Variants in RAB21 observed in about 807,000 individuals in gnomAD.
RAB21 encodes the protein ras-related protein Rab-21.
A neutral mutation model predicts 33.1 loss-of-function variants in RAB21; 13 were observed. The observed-to-expected ratio is 0.39, with a 90% CI of 0.26 to 0.62. RAB21 has a LOEUF of 0.62. RAB21 is among the 20% of genes least tolerant of loss of function. RAB21 has a pLI of 0.48. For synonymous variants in RAB21, 91 were observed against 103.7 expected (o/e 0.88, Z 0.74); for missense variants, 234 against 279.1 (o/e 0.84, Z 1.15).
At position 71,785,669 on chromosome 12, in the gene RAB21, G is replaced by A; in HGVS notation, c.674G>A (p.Gly225Glu). The A allele has an allele frequency of 6.2e-7, 1 of 1,614,078 alleles. No individual in the cohort carries two copies. The highest frequency in any genetic ancestry group is 1.6e-4 in the Middle Eastern group (1 of 6,062). ...QTSGGGCCSS[G>E] ...AGTGGTGGAGGGTGCTGTTCTTCTG[G>A]ATAACTGTTCACGCCTAAGAAATTA... The change falls in exon 7 of 7, where the codon GGA becomes GAA. Residue 225 changes from glycine (G) to glutamate (E), a missense_variant. By Grantham distance (98) the Gly-to-Glu change is moderately conservative. Coordinates refer to ENST00000261263, the MANE Select transcript of RAB21 (RefSeq NM_014999.4).
chr12:71,787,271 G>A lies in RAB21; in HGVS notation c.*1598G>A, dbSNP rs764028887. On this transcript the variant is annotated 3_prime_UTR_variant, in exon 7 of 7. Coordinates refer to ENST00000261263, the MANE Select transcript of RAB21 (RefSeq NM_014999.4). ...CCCTCATTAGATTTTTTTTTCTTAA[G>A]CATAAGACTGAACTTAAATGTGTTA... 2.0e-5 allele frequency: 3 copies of A among 151,810 alleles called. No homozygotes were observed. The South Asian group carries it at 6.2e-4, about 32-fold the overall frequency. 9.4% of individuals were successfully genotyped at this position (151,810 alleles called of 1,614,324 possible). A position where few individuals can be genotyped will look rare whatever the true frequency, so the allele number is the denominator to read the frequency against.
intron 1 of RAB21, among the ~76,000 whole-genome samples, chr12:71,767,685 A>G (rs1882982747): frequency 6.6e-6 from 1 of 152,154 alleles, no homozygotes; most frequent in Non-Finnish European, 1.5e-5. Context: ...TAGACTGACA[A>G]GGGCTTAAGA....
chr12:71,779,076 A>G (rs1883160737), intron 4 of RAB21, among the ~76,000 whole-genome samples: 1 of 152,180 alleles, frequency 6.6e-6, no homozygotes, highest in African/African-American at 2.4e-5. Context: ...GGCCTTTTAC[A>G]TATATCTTAT....
chr12:71,773,856 C>T, intron 3 of RAB21, 103 bp from the exon 4 acceptor site: 1 of 756,148 alleles, frequency 1.3e-6, no homozygotes, highest in South Asian at 1.7e-5. Flanking sequence ...AATATAGACT[C>T]TTAAAATTCT....
chr12:71,769,532 C>T (rs1251650912), intron 1 of RAB21, among the ~76,000 whole-genome samples: 1 of 151,944 alleles, frequency 6.6e-6, no homozygotes, highest in African/African-American at 2.4e-5. Context: ...TTTTGTTCCA[C>T]ATAGATAAGG....
intron 6 of RAB21, among the ~76,000 whole-genome samples, chr12:71,783,558 G>A (rs1380794075): frequency 6.6e-6 from 1 of 151,940 alleles, no homozygotes; most frequent in African/African-American, 2.4e-5. Flanking sequence ...GATGTCCCCT[G>A]ATCAGCAGCA....
intron 1 of RAB21, among the ~76,000 whole-genome samples, chr12:71,762,544 A>G (rs1882890330): frequency 6.6e-6 from 1 of 151,650 alleles, no homozygotes; most frequent in Non-Finnish European, 1.5e-5. Context: ...TGACCTCGTG[A>G]TCCGCCCGCC....
At chr12:71,762,044 C>T (rs1317872484) in intron 1 of RAB21, among the ~76,000 whole-genome samples, 1 of 152,068 alleles carries the variant, frequency 6.6e-6, no homozygotes. Flanking sequence ...TCTTTTTCTG[C>T]TTAGTATTTA....
chr12:71,782,177 T>C, intron 5 of RAB21, 92 bp downstream of exon 5: 1 of 1,191,582 alleles, frequency 8.4e-7, no homozygotes, highest in Middle Eastern at 2.0e-4. Context: ...ATTACTCAAA[T>C]CTCTTAGCAT....
At chr12:71,770,516 C>A in intron 2 of RAB21, 76 bp from the exon 3 acceptor site, 1 of 1,012,768 alleles carries the variant, frequency 9.9e-7, no homozygotes, top group African/African-American at 1.6e-5. Context: ...TCCAATTAAT[C>A]AAAAAGTTCA....
rs1438189773 is a variant in RAB21 at position 71,787,338 on chromosome 12, T to C, written c.*1665T>C. On this transcript the variant is annotated 3_prime_UTR_variant, in exon 7 of 7. Transcript: ENST00000261263. ...GCACTGCTCGCAGAAGGAACACAGA[T>C]TGTAGAGATTAACATAAATTGTTCT... 6.6e-6 allele frequency: 1 copy of C among 152,126 alleles called. No individual in the cohort carries two copies. Among genetic ancestry groups the C allele is most frequent in the Non-Finnish European group, 1.5e-5 (1 of 68,016 alleles). 9.4% of individuals were successfully genotyped at this position (152,126 alleles called of 1,614,324 possible).
At chr12:71,759,983 A>G (rs1471718151) in intron 1 of RAB21, among the ~76,000 whole-genome samples, 2 of 152,248 alleles carry the variant, frequency 1.3e-5, no homozygotes, top group African/African-American at 2.4e-5. Flanking sequence ...TAAAGCTACT[A>G]GCACAGAGCC....
chr12:71,765,646 A>T lies in RAB21; in HGVS notation c.160-4154A>T, dbSNP rs184625471. ...TTTTTGTATAAGGTGAGAGATGAGG[A>T]TCCAATTTCATTCTTCTACATGTGG... On this transcript the variant is annotated intron_variant, in intron 1 of 6. Coordinates refer to ENST00000261263, the MANE Select transcript of RAB21 (RefSeq NM_014999.4). 5.2e-3 allele frequency among the ~76,000 whole-genome samples: 787 copies of T among 152,152 alleles called. 7 individuals are homozygous for T. The highest frequency in any genetic ancestry group is 8.1e-3 in the Non-Finnish European group (550 of 67,986).
chr12:71,785,526 C>A lies in RAB21; in HGVS notation c.536-5C>A, dbSNP rs1883271326. 1 of 1,613,644 alleles carries A rather than the reference C, an allele frequency of 6.2e-7. No individual in the cohort carries two copies. Among genetic ancestry groups the A allele is most frequent in the African/African-American group, 1.3e-5 (1 of 75,006 alleles). ...CTAATAATGTTTGCTTTCTCTCTGT[C>A]TTAGGGATGATAGAAACAGCACAAG... On this transcript the variant is annotated splice_polypyrimidine_tract_variant and splice_region_variant and intron_variant, in intron 6 of 6. Coordinates refer to ENST00000261263, the MANE Select transcript of RAB21 (RefSeq NM_014999.4).
chr12:71,790,451 A>AGTGGTATCT lies in RAB21; in HGVS notation c.*4780_*4788dup, dbSNP rs1883363898. 6.6e-6 allele frequency: 1 copy of AGTGGTATCT among 152,060 alleles called. No homozygotes were observed. The highest frequency in any genetic ancestry group is 6.5e-5 in the Admixed American group (1 of 15,272). 9.4% of individuals were successfully genotyped at this position (152,060 alleles called of 1,614,324 possible). A position where few individuals can be genotyped will look rare whatever the true frequency, so the allele number is the denominator to read the frequency against. On this transcript the variant is annotated 3_prime_UTR_variant, in exon 7 of 7. Coordinates refer to ENST00000261263, the MANE Select transcript of RAB21 (RefSeq NM_014999.4). The stretch of plus-strand genomic sequence containing the variant: ...AGTATAATGTTGAAAAGTAGAAAGA[A>AGTGGTATCT]GTGGTATCTGCTAAACTCTAGCTTT...
intron 4 of RAB21, among the ~76,000 whole-genome samples, chr12:71,775,232 CAT>C (rs2137651543): frequency 6.6e-6 from 1 of 152,290 alleles, no homozygotes; most frequent in African/African-American, 2.4e-5. Flanking sequence ...GACATTATCT[CAT>C]GTAATCCTCA....
chr12:71,763,036 G>T (rs755028219), intron 1 of RAB21, among the ~76,000 whole-genome samples: 2 of 150,890 alleles, frequency 1.3e-5, no homozygotes, highest in Non-Finnish European at 2.9e-5. Flanking sequence ...ACAAATAGTT[G>T]TACATTATTT....
At chr12:71,782,487 TA>T in intron 5 of RAB21, 82 bp from the exon 6 acceptor site, 1 of 914,314 alleles carries the variant, frequency 1.1e-6, no homozygotes, top group Non-Finnish European at 1.7e-6. Context: ...AATATGTCAC[TA>T]AAACTGTTAC....
rs1883373824 is a variant in RAB21, at chr12:71,790,973, A to G, written c.*5300A>G. ...GTTAGGTGGATTTCATTAGTATCCA[A>G]ATTTATTTATTTTTTTATTTCATTT... On this transcript the variant is annotated 3_prime_UTR_variant, in exon 7 of 7. Transcript: ENST00000261263. 1 of 151,636 alleles carries G rather than the reference A, an allele frequency of 6.6e-6. No individual in the cohort carries two copies. Among genetic ancestry groups the G allele is most frequent in the South Asian group, 2.1e-4 (1 of 4,810 alleles). 9.4% of individuals were successfully genotyped at this position (151,636 alleles called of 1,614,324 possible). A position where few individuals can be genotyped will look rare whatever the true frequency, so the allele number is the denominator to read the frequency against.
Sources: allele counts gnomAD v4.1 joint callset (sites outside exome capture counted in the v4.1 genomes callset), GRCh38; gene constraint gnomAD v4.1.1; transcripts MANE v1.5; gene names NCBI Gene and HGNC (gene_info 2026-07-23, HGNC 2026-07-21).